The following TRPC7 variants were observed in gnomAD, a reference collection of about 807,000 sequenced individuals.
TRPC7 encodes the protein short transient receptor potential channel 7.
A neutral mutation model predicts 90.1 loss-of-function variants in TRPC7; 42 were observed. The observed-to-expected ratio is 0.47, with a 90% CI of 0.36 to 0.60. The LOEUF (loss-of-function observed/expected upper bound fraction) is 0.60, where lower values mean the gene tolerates loss of function less well. TRPC7 is among the 20% of genes least tolerant of loss of function. The probability of loss-of-function intolerance (pLI) is 0.00; values close to 1 mark genes in which losing one functional copy is unlikely to be tolerated. For synonymous variants in TRPC7, 451 were observed against 436.3 expected (o/e 1.03, Z -0.42); for missense variants, 955 against 1,112.3 (o/e 0.86, Z 2.01).
At chr5:136,229,110 G>T (rs1361596274) in intron 8 of TRPC7, among the ~76,000 whole-genome samples, 1 of 152,230 alleles carries the variant, frequency 6.6e-6, no homozygotes, top group Non-Finnish European at 1.5e-5. Context: ...GGAAACTGAG[G>T]CCCAGAAGGG....
At chr5:136,233,176 G>A (rs1443530001) in intron 7 of TRPC7, among the ~76,000 whole-genome samples, 1 of 152,194 alleles carries the variant, frequency 6.6e-6, no homozygotes, top group Non-Finnish European at 1.5e-5. Flanking sequence ...GATATTTGAA[G>A]TGGGATTCTA....
intron 10 of TRPC7, among the ~76,000 whole-genome samples, chr5:136,218,158 AAATATAT>A (rs921396899): frequency 2.1e-5 from 3 of 146,330 alleles, no homozygotes; most frequent in African/African-American, 2.5e-5. Context: ...GATATATATA[AAATATAT>A]AATATATATC....
intron 1 of TRPC7, among the ~76,000 whole-genome samples, chr5:136,358,993 C>T (rs1326433185): frequency 2.0e-5 from 3 of 152,054 alleles, no homozygotes; most frequent in African/African-American, 7.3e-5. Flanking sequence ...CATGCATAAA[C>T]AATACTCAGT....
intron 4 of TRPC7, among the ~76,000 whole-genome samples, chr5:136,267,537 C>T (rs1392101524): frequency 1.3e-5 from 2 of 152,142 alleles, no homozygotes; most frequent in Non-Finnish European, 2.9e-5. Flanking sequence ...ACTGTTGGTT[C>T]AACAGAAGAT....
chr5:136,314,361 T>C (rs1758937040), intron 3 of TRPC7: 1 of 152,208 alleles, frequency 6.6e-6, no homozygotes. Context: ...AGCGAGCTCT[T>C]GGTTTAAGCT....
chr5:136,296,377 A>G (rs1045970944), intron 3 of TRPC7, among the ~76,000 whole-genome samples: 1 of 152,190 alleles, frequency 6.6e-6, no homozygotes, highest in Non-Finnish European at 1.5e-5. Context: ...TTTGCAATAT[A>G]TTTCAAGAAC....
chr5:136,357,155 C>T lies in TRPC7; in HGVS notation c.233G>A (p.Gly78Glu). The T allele has an allele frequency of 1.9e-6, 3 of 1,614,114 alleles. No homozygotes were observed. The highest frequency in any genetic ancestry group is 2.5e-6 in the Non-Finnish European group (3 of 1,180,012). ...CACGGCCAGCTGCAGAGCGTTCTGCCCCATGTAGTCCACACAGTTGAAGTT... is the reference window on the plus strand; with the variant it reads ...CACGGCCAGCTGCAGAGCGTTCTGCTCCATGTAGTCCACACAGTTGAAGTT... ...TLNFNCVDYM[G>E]QNALQLAVGN... Residue 78 changes from glycine to glutamate, a missense_variant, in exon 2 of 12, where the codon GGG becomes GAG. Physicochemically the swap from Gly to Glu is moderately conservative, Grantham distance 98. This residue lies in a region of TRPC7 where 161 missense variants were observed against 145.7 expected (regional missense o/e 1.10). Coordinates refer to ENST00000513104, the MANE Select transcript of TRPC7 (RefSeq NM_020389.3).
chr5:136,326,871 C>T (rs1457988624), intron 2 of TRPC7, among the ~76,000 whole-genome samples: 3 of 151,982 alleles, frequency 2.0e-5, no homozygotes. Context: ...GAAGACAGGA[C>T]TTTGATGGGG....
chr5:136,236,206 C>G (rs990458571), intron 7 of TRPC7, among the ~76,000 whole-genome samples: 3 of 152,186 alleles, frequency 2.0e-5, no homozygotes, highest in African/African-American at 7.2e-5. Context: ...AGTCTACAAG[C>G]AAGCCCAGTA....
At chr5:136,333,806 T>C (rs956283770) in intron 2 of TRPC7, among the ~76,000 whole-genome samples, 2 of 152,262 alleles carry the variant, frequency 1.3e-5, no homozygotes, top group Middle Eastern at 3.2e-3. Flanking sequence ...AACATGTTAA[T>C]GTCTGATGGA....
intron 3 of TRPC7, among the ~76,000 whole-genome samples, chr5:136,310,355 G>A (rs1383787335): frequency 6.6e-6 from 1 of 152,156 alleles, no homozygotes; most frequent in Non-Finnish European, 1.5e-5. Context: ...ATACAACAGT[G>A]TGAAGGAAAA....
At chr5:136,317,893 G>A (rs1759072958) in intron 2 of TRPC7, among the ~76,000 whole-genome samples, 1 of 152,216 alleles carries the variant, frequency 6.6e-6, no homozygotes, top group Non-Finnish European at 1.5e-5. Flanking sequence ...TGGGTTCAGT[G>A]CAGTTCAGAA....
intron 3 of TRPC7, among the ~76,000 whole-genome samples, chr5:136,287,102 C>T (rs934021226): frequency 1.2e-4 from 18 of 152,154 alleles, no homozygotes; most frequent in African/African-American, 4.1e-4. Context: ...ACGCTCGCCT[C>T]GCTGGACCCC....
intron 10 of TRPC7, among the ~76,000 whole-genome samples, chr5:136,217,432 G>T (rs1207899098): frequency 6.6e-6 from 1 of 152,140 alleles, no homozygotes; most frequent in African/African-American, 2.4e-5. Flanking sequence ...ATGCTTCCTG[G>T]CCTGTGATTC....
At chr5:136,334,359 C>T (rs533808750) in intron 2 of TRPC7, among the ~76,000 whole-genome samples, 19 of 152,226 alleles carry the variant, frequency 1.2e-4, no homozygotes, top group Admixed American at 5.2e-4. Context: ...AGCTAAATGG[C>T]GAAGTAGCAA....
chr5:136,216,405 C>T (rs1384577000), intron 10 of TRPC7, 130 bp from the exon 11 acceptor site: 3 of 726,240 alleles, frequency 4.1e-6, no homozygotes, highest in Middle Eastern at 3.0e-4. Context: ...TGCCTGGCGC[C>T]TCACTCTGGA....
intron 3 of TRPC7, among the ~76,000 whole-genome samples, chr5:136,281,767 G>C (rs947589723): frequency 6.6e-6 from 1 of 152,156 alleles, no homozygotes; most frequent in African/African-American, 2.4e-5. Context: ...CTCAAGGGAG[G>C]TTTCAAGGGT....
chr5:136,304,290 C>A (rs1275010319), intron 3 of TRPC7, among the ~76,000 whole-genome samples: 1 of 152,124 alleles, frequency 6.6e-6, no homozygotes, highest in Non-Finnish European at 1.5e-5. Flanking sequence ...TTACCCCGCT[C>A]AATGCCAAGA....
chr5:136,223,771 T>C (rs2149794278), intron 10 of TRPC7, among the ~76,000 whole-genome samples: 1 of 152,344 alleles, frequency 6.6e-6, no homozygotes, highest in East Asian at 1.9e-4. Context: ...GATTTGGCCC[T>C]AACCCATTGG....
Sources: gnomAD v4.1 joint callset for allele counts (sites outside exome capture counted in the v4.1 genomes callset) on GRCh38, gnomAD v4.1.1 for gene constraint, gnomAD v4.1.1 regional missense constraint, MANE v1.5 for transcripts, NCBI Gene and HGNC (gene_info 2026-07-23, HGNC 2026-07-21) for gene names.